The following TUT7 variants were observed in gnomAD, a reference collection of about 807,000 sequenced individuals.
TUT7 encodes the protein terminal uridylyl transferase 7.
Under a neutral mutation model 165.9 loss-of-function variants are expected in TUT7, and 33 were observed. That is an observed-to-expected ratio of 0.20 (90% CI 0.15 to 0.27). The LOEUF is 0.27. TUT7 is among the 10% of genes least tolerant of loss of function. The probability of loss-of-function intolerance (pLI) is 1.00; values close to 1 mark genes in which losing one functional copy is unlikely to be tolerated. For synonymous variants in TUT7, 552 were observed against 608.1 expected, an observed-to-expected ratio of 0.91 and a Z score of 1.36; for missense variants, 1,338 against 1,762.3, an observed-to-expected ratio of 0.76 and a Z score of 4.31.
At chr9:86,299,574 T>C (rs1435284278) in intron 26 of TUT7, among the ~76,000 whole-genome samples, 3 of 152,190 alleles carry the variant, frequency 2.0e-5, no homozygotes, top group Admixed American at 6.5e-5. Context: ...CAAGACTGCA[T>C]TCTGAAGGGA....
intron 2 of TUT7, among the ~76,000 whole-genome samples, chr9:86,348,037 G>T (rs1831926355): frequency 6.6e-6 from 1 of 152,126 alleles, no homozygotes; most frequent in Non-Finnish European, 1.5e-5. Flanking sequence ...AAATAATACT[G>T]CAATACCCTT....
intron 26 of TUT7, among the ~76,000 whole-genome samples, chr9:86,296,408 A>C (rs1398435805): frequency 6.6e-6 from 1 of 152,182 alleles, no homozygotes; most frequent in Non-Finnish European, 1.5e-5. Flanking sequence ...AATAAAACCT[A>C]CTGAATATCT....
chr9:86,338,564 T>C (rs1831043329), intron 9 of TUT7, among the ~76,000 whole-genome samples: 2 of 152,180 alleles, frequency 1.3e-5, no homozygotes, highest in African/African-American at 4.8e-5. Context: ...TTCCTGGGCC[T>C]TATCCTCTGA....
intron 26 of TUT7, among the ~76,000 whole-genome samples, chr9:86,297,155 C>T (rs1826396884): frequency 6.6e-6 from 1 of 152,084 alleles, no homozygotes; most frequent in Admixed American, 6.6e-5. Flanking sequence ...GTATGCCTAG[C>T]ATCTATATTT....
Position 86,288,667 on chromosome 9 carries a change from T to C in TUT7, c.*10A>G. 6.2e-7 allele frequency: 1 copy of C among 1,613,134 alleles called. No homozygotes were observed. The highest frequency in any genetic ancestry group is 8.5e-7 in the Non-Finnish European group (1 of 1,179,256). ...TGAGTGGCCATTTAGAGTGCTGCAT[T>C]TTCCTTCCCTCATGATTCCTGCTGG... On this transcript the variant is annotated 3_prime_UTR_variant, in exon 27 of 27. Coordinates refer to ENST00000375963, the MANE Select transcript of TUT7 (RefSeq NM_024617.4).
In TUT7 at chr9:86,325,335, T is replaced by C; in HGVS notation, c.1788A>G (p.Glu596=). 6.2e-7 allele frequency: 1 copy of C among 1,613,664 alleles called. No individual in the cohort carries two copies. Among genetic ancestry groups the C allele is most frequent in the Non-Finnish European group, 8.5e-7 (1 of 1,179,676 alleles). Residue 596 remains glutamate, a splice_region_variant and synonymous_variant, in exon 12 of 27, where the codon GAA becomes GAG. Coordinates refer to ENST00000375963, the MANE Select transcript of TUT7 (RefSeq NM_024617.4). ...KDWPKKRIAI[E]DPYSVKRNVA... ...AATAAGATAAACATTTTGAGATACCTTCAATGGCAATGCGCTTTTTGGGCC... is the reference window on the plus strand; with the variant it reads ...AATAAGATAAACATTTTGAGATACCCTCAATGGCAATGCGCTTTTTGGGCC...
At chr9:86,328,313 G>A (rs1437426556) in intron 11 of TUT7, 27 bp downstream of exon 11, 5 of 1,534,220 alleles carry the variant, frequency 3.3e-6, no homozygotes, top group Admixed American at 2.1e-5. Flanking sequence ...AAGTGAAACT[G>A]ACAACTAGAA....
At chr9:86,314,470 G>A (rs944119512) in intron 17 of TUT7, among the ~76,000 whole-genome samples, 1 of 152,080 alleles carries the variant, frequency 6.6e-6, no homozygotes, top group Admixed American at 6.5e-5. Flanking sequence ...GTTAAGTCTT[G>A]GAGATTATAT....
At chr9:86,349,108 G>A (rs1832042611) in intron 2 of TUT7, among the ~76,000 whole-genome samples, 1 of 151,878 alleles carries the variant, frequency 6.6e-6, no homozygotes, top group Non-Finnish European at 1.5e-5. Flanking sequence ...GTGAAACCCT[G>A]TCTCTACTAA....
chr9:86,303,222 A>C, intron 24 of TUT7, 21 bp from the exon 25 acceptor site: 1 of 1,388,548 alleles, frequency 7.2e-7, no homozygotes, highest in Non-Finnish European at 1.0e-6. Context: ...ATAAATATAT[A>C]AAAGCCTGAA....
chr9:86,352,506 C>T, intron 2 of TUT7, 174 bp downstream of exon 2: 1 of 772,876 alleles, frequency 1.3e-6, no homozygotes. Flanking sequence ...GTTTTAGCTG[C>T]TCAAATATCA....
rs982187061 is a variant in TUT7 at position 86,312,714 on chromosome 9, G to A, written c.3275-1905C>T. ...AAGATTGAGAAATCGGATGGTTGCC[G>A]TGTCTGTGTAGAAAGAGGTAGACAT... On this transcript the variant is annotated intron_variant, in intron 17 of 26. Transcript: ENST00000375963. 2.8e-4 allele frequency among the ~76,000 whole-genome samples: 42 copies of A among 152,174 alleles called. 1 individual carries two copies. Among genetic ancestry groups the A allele is most frequent in the African/African-American group, 9.7e-4 (40 of 41,450 alleles).
chr9:86,304,048 A>T (rs770824618), intron 24 of TUT7, among the ~76,000 whole-genome samples: 13 of 152,206 alleles, frequency 8.5e-5, no homozygotes, highest in Admixed American at 6.5e-5. Context: ...AAGTTTTGAG[A>T]TCTATTGCGC....
intron 26 of TUT7, among the ~76,000 whole-genome samples, chr9:86,299,181 C>T (rs1346434309): frequency 3.3e-5 from 5 of 152,258 alleles, no homozygotes; most frequent in East Asian, 1.9e-4. Context: ...CCTCCTTCTC[C>T]GTTTGAGCTA....
chr9:86,289,907 G>A (rs1163849021), intron 26 of TUT7, among the ~76,000 whole-genome samples: 1 of 151,998 alleles, frequency 6.6e-6, no homozygotes, highest in Non-Finnish European at 1.5e-5. Flanking sequence ...CTTACGATAT[G>A]ACCAAGTATA....
chr9:86,345,287 A>C, intron 4 of TUT7, 133 bp from the exon 5 acceptor site: 1 of 823,408 alleles, frequency 1.2e-6, no homozygotes, highest in Non-Finnish European at 1.8e-6. Context: ...GTTAGTTTTC[A>C]TCCTATCAAA....
At chr9:86,341,277 C>T (rs973953479) in intron 6 of TUT7, among the ~76,000 whole-genome samples, 1 of 152,198 alleles carries the variant, frequency 6.6e-6, no homozygotes, top group Admixed American at 6.5e-5. Context: ...ATACAACTAA[C>T]TTCTGATTTA....
chr9:86,312,034 G>C (rs1176501246), intron 17 of TUT7, among the ~76,000 whole-genome samples: 1 of 152,204 alleles, frequency 6.6e-6, no homozygotes, highest in Non-Finnish European at 1.5e-5. Flanking sequence ...CCTCTGCCCG[G>C]CCGCCACCCC....
chr9:86,352,740 G>C lies in TUT7; in HGVS notation c.460C>G (p.Leu154Val). ...AGGCTTGTTAGGTCTTTATGAAACA[G>C]TCGTCTTACAGTTCTGCAGCCTCTT... ...DTRGCRTVRR[L>V]FHKDLTSLET... The change falls in exon 2 of 27, where the codon CTG (leucine) becomes GTG (valine). Residue 154 changes from leucine to valine, a missense_variant. This residue lies in a region of TUT7 where 434 missense variants were observed against 480.8 expected (regional missense o/e 0.90). Transcript: ENST00000375963. 6.2e-7 allele frequency: 1 copy of C among 1,614,194 alleles called. No homozygotes were observed. The highest frequency in any genetic ancestry group is 8.5e-7 in the Non-Finnish European group (1 of 1,180,024).
Sources: gnomAD v4.1 joint callset for allele counts (sites outside exome capture counted in the v4.1 genomes callset) on GRCh38, gnomAD v4.1.1 for gene constraint, gnomAD v4.1.1 regional missense constraint, MANE v1.5 for transcripts, NCBI Gene and HGNC (gene_info 2026-07-23, HGNC 2026-07-21) for gene names.